Variants in DPP10 observed in about 807,000 individuals in gnomAD.
DPP10 encodes the protein inactive dipeptidyl peptidase 10.
Under a neutral mutation model 120.9 loss-of-function variants are expected in DPP10, and 33 were observed. The ratio of observed to expected loss-of-function variants is 0.27; its 90% confidence interval spans 0.21 to 0.37. DPP10 has a LOEUF of 0.37. DPP10 is among the 10% of genes least tolerant of loss of function. The pLI, the probability that DPP10 is intolerant of heterozygous loss-of-function variation, is 1.00. For synonymous variants in DPP10, 337 were observed against 326.1 expected (o/e 1.03, Z -0.36); for missense variants, 816 against 942.8 (o/e 0.87, Z 1.76).
chr2:114,699,795 C>A (rs1700283122), intron 1 of DPP10, among the ~76,000 whole-genome samples: 1 of 151,996 alleles, frequency 6.6e-6, no homozygotes, highest in African/African-American at 2.4e-5. Flanking sequence ...AGCAGAGGAA[C>A]CAGAAGGGGC....
At chr2:114,874,259 C>T (rs946559543) in intron 1 of DPP10, among the ~76,000 whole-genome samples, 2 of 152,248 alleles carry the variant, frequency 1.3e-5, no homozygotes, top group South Asian at 2.1e-4. Context: ...CCAAGTGAAT[C>T]GACTTTGTCT....
intron 3 of DPP10, among the ~76,000 whole-genome samples, chr2:115,380,347 A>G (rs771512766): frequency 5.9e-5 from 9 of 152,172 alleles, no homozygotes; most frequent in Non-Finnish European, 1.2e-4. Flanking sequence ...GGTTTAAAGT[A>G]TGTTTTATCA....
At chr2:115,092,199 C>G (rs1709322885) in intron 1 of DPP10, among the ~76,000 whole-genome samples, 1 of 152,190 alleles carries the variant, frequency 6.6e-6, no homozygotes, top group Non-Finnish European at 1.5e-5. Flanking sequence ...ACTCCAATGA[C>G]TATATTCTTG....
At chr2:114,678,503 C>T (rs889827820) in intron 1 of DPP10, among the ~76,000 whole-genome samples, 3 of 152,026 alleles carry the variant, frequency 2.0e-5, no homozygotes, top group Non-Finnish European at 4.4e-5. Context: ...GTCTGGACTC[C>T]GGCACATGTG....
At chr2:114,909,596 A>G (rs1694214225) in intron 1 of DPP10, among the ~76,000 whole-genome samples, 1 of 152,066 alleles carries the variant, frequency 6.6e-6, no homozygotes, top group Non-Finnish European at 1.5e-5. Context: ...CTTAGTCTAG[A>G]TCCTGAGTAA....
At chr2:115,567,534 A>T (rs1432066521) in intron 5 of DPP10, among the ~76,000 whole-genome samples, 33 of 148,114 alleles carry the variant, frequency 2.2e-4, no homozygotes, top group Admixed American at 2.7e-4. Context: ...AGATTTTCTC[A>T]TTTTTTTTTT....
At chr2:115,762,268 G>A (rs973668607) in intron 11 of DPP10, among the ~76,000 whole-genome samples, 1 of 152,146 alleles carries the variant, frequency 6.6e-6, no homozygotes, top group African/African-American at 2.4e-5. Context: ...GTGTCTGGTG[G>A]TTCAAAACAG....
At chr2:114,782,134 G>A (rs915206479) in intron 1 of DPP10, among the ~76,000 whole-genome samples, 27 of 151,900 alleles carry the variant, frequency 1.8e-4, no homozygotes, top group African/African-American at 5.8e-4. Flanking sequence ...AATTACAGTT[G>A]TGCGTGTGTG....
intron 4 of DPP10, among the ~76,000 whole-genome samples, chr2:115,519,526 A>C (rs1231516857): frequency 6.6e-6 from 1 of 152,246 alleles, no homozygotes; most frequent in Non-Finnish European, 1.5e-5. Context: ...TCAGCTAAGA[A>C]AAGAGAACAT....
At chr2:114,971,755 T>C (rs1558939364) in intron 1 of DPP10, among the ~76,000 whole-genome samples, 1 of 152,184 alleles carries the variant, frequency 6.6e-6, no homozygotes, top group Non-Finnish European at 1.5e-5. Context: ...AAGGCACAAC[T>C]TCAGATGTTT....
Position 115,591,315 on chromosome 2 carries a change from T to C in DPP10, c.441+65343T>C, listed in dbSNP as rs189908490. Among the ~76,000 whole-genome samples the C allele has an allele frequency of 1.8e-4, 28 of 152,354 alleles. No individual in the cohort carries two copies. In the East Asian group the frequency reaches 5.2e-3, roughly 28 times the overall value. The stretch of plus-strand genomic sequence containing the variant: ...GTCTAACATATAAGTGTTTAATCCA[T>C]CTTGAATTAATTTTTGTAAGGTGTA... On this transcript the variant is annotated intron_variant, in intron 5 of 25. Coordinates refer to ENST00000410059, the MANE Select transcript of DPP10 (RefSeq NM_020868.6).
At chr2:115,555,877 A>G (rs142579712) in intron 5 of DPP10, among the ~76,000 whole-genome samples, 225 of 152,152 alleles carry the variant, frequency 1.5e-3, no homozygotes, top group African/African-American at 5.2e-3. Flanking sequence ...TTTGTCATGT[A>G]TGTGTGGTGG....
intron 1 of DPP10, among the ~76,000 whole-genome samples, chr2:114,662,554 T>C (rs572928268): frequency 1.3e-5 from 2 of 151,874 alleles, no homozygotes; most frequent in East Asian, 2.0e-4. Flanking sequence ...GCCCCGGAAA[T>C]GAAGAAAGAC....
chr2:115,381,064 G>T (rs1348149777), intron 3 of DPP10, among the ~76,000 whole-genome samples: 1 of 152,066 alleles, frequency 6.6e-6, no homozygotes, highest in Non-Finnish European at 1.5e-5. Flanking sequence ...TATCTTTGTG[G>T]CATTCTCTGT....
intron 11 of DPP10, among the ~76,000 whole-genome samples, chr2:115,758,564 C>G (rs900159931): frequency 2.6e-5 from 4 of 151,864 alleles, no homozygotes; most frequent in Non-Finnish European, 4.4e-5. Flanking sequence ...CAATTAAAGT[C>G]CCTTCTGATT....
intron 1 of DPP10, among the ~76,000 whole-genome samples, chr2:114,742,267 C>T (rs1298890955): frequency 6.7e-6 from 1 of 150,362 alleles, no homozygotes; most frequent in Non-Finnish European, 1.5e-5. Flanking sequence ...CATAGCACAG[C>T]AAATTGCAAA....
chr2:115,496,004 T>C (rs2076377379), intron 3 of DPP10, among the ~76,000 whole-genome samples: 1 of 152,152 alleles, frequency 6.6e-6, no homozygotes, highest in African/African-American at 2.4e-5. Flanking sequence ...TACTTAAAGT[T>C]AAACAAAATA....
intron 7 of DPP10, among the ~76,000 whole-genome samples, chr2:115,712,543 A>ATATATATATATATAT (rs56675119): frequency 0.024 from 1,531 of 64,230 alleles, 438 homozygotes; most frequent in Middle Eastern, 0.057. Context: ...TCCTGAATTA[A>ATATATATATATATAT]ATATATATAT....
chr2:115,815,135 T>G, intron 20 of DPP10, 148 bp downstream of exon 20: 2 of 709,960 alleles, frequency 2.8e-6, no homozygotes, highest in Non-Finnish European at 2.1e-6. Context: ...TTCATTTTTT[T>G]TTTGAAGTAC....
Sources: gnomAD v4.1 joint callset for allele counts (sites outside exome capture counted in the v4.1 genomes callset) on GRCh38, gnomAD v4.1.1 for gene constraint, MANE v1.5 for transcripts, NCBI Gene and HGNC (gene_info 2026-07-23, HGNC 2026-07-21) for gene names.